Variants in AP2A2 observed in about 807,000 individuals in gnomAD.
AP2A2 encodes the protein AP-2 complex subunit alpha-2.
A neutral mutation model predicts 104.2 loss-of-function variants in AP2A2; 32 were observed. The ratio of observed to expected loss-of-function variants is 0.31; its 90% CI spans 0.23 to 0.41. AP2A2 has a LOEUF of 0.41. AP2A2 is among the 10% of genes least tolerant of loss of function. The pLI is 1.00. For synonymous variants in AP2A2, 539 were observed against 533.3 expected, an observed-to-expected ratio of 1.01 and a Z score of -0.15; for missense variants, 912 against 1,261.0, an observed-to-expected ratio of 0.72 and a Z score of 4.19.
chr11:952,642 G>A lies in AP2A2; in HGVS notation c.68-6795G>A, dbSNP rs373780861. On this transcript the variant is annotated intron_variant, in intron 1 of 21. Coordinates refer to ENST00000448903, the MANE Select transcript of AP2A2 (RefSeq NM_012305.4). ...ATAGTGCAGGATGACTGTGGCCAGC[G>A]TCTCTTTAACAAAGATCAGACTGTG... 1.3e-3 allele frequency among the ~76,000 whole-genome samples: 202 copies of A among 152,242 alleles called. 3 individuals are homozygous for A. The highest frequency in any genetic ancestry group is 4.5e-3 in the African/African-American group (188 of 41,542).
At chr11:944,767 T>C (rs1362752688) in intron 1 of AP2A2, among the ~76,000 whole-genome samples, 1 of 148,136 alleles carries the variant, frequency 6.8e-6, no homozygotes, top group Admixed American at 6.8e-5. Context: ...GCAGAGGGAG[T>C]GGTAAGTGCA....
chr11:998,858 T>C (rs1287661470), intron 14 of AP2A2, among the ~76,000 whole-genome samples: 1 of 152,178 alleles, frequency 6.6e-6, no homozygotes, highest in Non-Finnish European at 1.5e-5. Flanking sequence ...CACACCCAGC[T>C]AATTTTTGTA....
Position 992,763 on chromosome 11 carries a change from C to T in AP2A2, c.1452+78C>T, listed in dbSNP as rs1413297156. On this transcript the variant is annotated intron_variant, in intron 11 of 21. Transcript: ENST00000448903. The surrounding 1 kb of genome is among the most constrained non-coding windows in gnomAD (Gnocchi z 6.4). The stretch of plus-strand genomic sequence containing the variant: ...TGAGCAGTGAGTGGTTCCAGCCTGC[C>T]TGCGTGGAGGTGCCGAGGGCCGTTG... 5.2e-6 allele frequency: 8 copies of T among 1,545,496 alleles called. No homozygotes were observed. Among genetic ancestry groups the T allele is most frequent in the African/African-American group, 1.4e-5 (1 of 73,682 alleles).
At chr11:1,004,080 A>G (rs1343432796) in intron 16 of AP2A2, among the ~76,000 whole-genome samples, 1 of 152,128 alleles carries the variant, frequency 6.6e-6, no homozygotes, top group East Asian at 1.9e-4. Flanking sequence ...AAATACAGGA[A>G]TGCTCAATAA....
intron 1 of AP2A2, among the ~76,000 whole-genome samples, chr11:951,855 G>T (rs914682731): frequency 6.6e-6 from 1 of 152,104 alleles, no homozygotes; most frequent in African/African-American, 2.4e-5. Context: ...TGGGCTTTTG[G>T]GTTACTCGGC....
chr11:1,008,400 C>T, intron 18 of AP2A2: 1 of 447,358 alleles, frequency 2.2e-6, no homozygotes, highest in East Asian at 4.1e-5. Context: ...ACCATGGGGC[C>T]CACCTCATGG....
intron 1 of AP2A2, among the ~76,000 whole-genome samples, chr11:927,421 C>T (rs767381783): frequency 1.3e-4 from 19 of 151,768 alleles, no homozygotes; most frequent in Non-Finnish European, 2.4e-4. Context: ...ATTCTCATCT[C>T]CTTAGACGGG....
At chr11:966,228 C>G (rs750092883) in intron 2 of AP2A2, among the ~76,000 whole-genome samples, 1 of 152,212 alleles carries the variant, frequency 6.6e-6, no homozygotes, top group African/African-American at 2.4e-5. Context: ...CGCGGTGGCT[C>G]GTGCCTATAA....
At chr11:1,009,530 A>G in intron 20 of AP2A2, 133 bp downstream of exon 20, 5 of 1,309,120 alleles carry the variant, frequency 3.8e-6, no homozygotes, top group Non-Finnish European at 5.2e-6. Context: ...CCCGGGGGAC[A>G]CGCAGCCCGC....
At chr11:960,962 AC>A (rs1276093341) in intron 2 of AP2A2, among the ~76,000 whole-genome samples, 1 of 152,260 alleles carries the variant, frequency 6.6e-6, no homozygotes, top group East Asian at 1.9e-4. Flanking sequence ...CCCGGTGTGC[AC>A]CTTTGTTCTT....
chr11:988,516 C>T (rs1474285831), intron 9 of AP2A2, 36 bp from the exon 10 acceptor site: 1 of 1,598,274 alleles, frequency 6.3e-7, no homozygotes, highest in Admixed American at 1.7e-5. Flanking sequence ...TTGTGCCTTG[C>T]TCCTGCGACC....
intron 1 of AP2A2, among the ~76,000 whole-genome samples, chr11:949,225 G>A (rs928484776): frequency 2.0e-5 from 3 of 152,036 alleles, no homozygotes; most frequent in Non-Finnish European, 2.9e-5. Context: ...GCAGTGAGCC[G>A]AGATCATGTC....
At chr11:984,338 C>G (rs1320484038) in intron 6 of AP2A2, among the ~76,000 whole-genome samples, 1 of 152,076 alleles carries the variant, frequency 6.6e-6, no homozygotes, top group East Asian at 1.9e-4. Context: ...GGCTAAAGCT[C>G]TCTCTCTGAT....
At chr11:950,162 G>A (rs1164193801) in intron 1 of AP2A2, among the ~76,000 whole-genome samples, 4 of 152,140 alleles carry the variant, frequency 2.6e-5, no homozygotes, top group African/African-American at 9.7e-5. Context: ...TGGGATGACT[G>A]AATCTCCATG....
chr11:984,056 A>T (rs551332719), intron 6 of AP2A2, among the ~76,000 whole-genome samples: 1 of 152,276 alleles, frequency 6.6e-6, no homozygotes, highest in Non-Finnish European at 1.5e-5. Flanking sequence ...GGGAGGAACT[A>T]CCCTGACCTC....
intron 4 of AP2A2, among the ~76,000 whole-genome samples, chr11:976,408 C>T (rs902270714): frequency 3.3e-5 from 5 of 152,118 alleles, no homozygotes; most frequent in South Asian, 2.1e-4. Context: ...TTCTGTTAAG[C>T]GCTTGGAGAA....
chr11:953,624 TCTGCCTCC>T (rs1854127277), intron 1 of AP2A2, among the ~76,000 whole-genome samples: 1 of 42,904 alleles, frequency 2.3e-5, no homozygotes, highest in Admixed American at 5.4e-4. Flanking sequence ...CCTGGCTCCG[TCTGCCTCC>T]GTCTGCCTCC....
chr11:945,267 C>T (rs549290272), intron 1 of AP2A2, among the ~76,000 whole-genome samples: 71 of 152,232 alleles, frequency 4.7e-4, no homozygotes, highest in Non-Finnish European at 8.1e-4. Flanking sequence ...GCAGCCAAAA[C>T]CAGATGGTAG....
At chr11:979,809 C>G (rs569061512) in intron 5 of AP2A2, among the ~76,000 whole-genome samples, 2 of 152,154 alleles carry the variant, frequency 1.3e-5, no homozygotes. Flanking sequence ...TCAGGGGATC[C>G]GCCTGCTTCG....
Sources: gnomAD v4.1 joint callset for allele counts (sites outside exome capture counted in the v4.1 genomes callset) on GRCh38, gnomAD v4.1.1 for gene constraint, Gnocchi (gnomAD v3.1) non-coding constraint, MANE v1.5 for transcripts, NCBI Gene and HGNC (gene_info 2026-07-23, HGNC 2026-07-21) for gene names.